DNAH17: variants seen among roughly 807,000 people sequenced by gnomAD.
DNAH17 encodes dynein axonemal heavy chain 17.
A neutral mutation model predicts 485.6 loss-of-function variants in DNAH17; 376 were observed. That is an observed-to-expected ratio of 0.77 (90% confidence interval 0.71 to 0.84). The LOEUF is 0.84. Ranked by LOEUF, DNAH17 falls within the 40% of genes least tolerant of loss-of-function variation. The pLI is 0.00. For missense variants in DNAH17, 6,370 were observed against 5,839.3 expected (o/e 1.09, Z -2.96); for synonymous variants, 3,031 against 2,405.9 (o/e 1.26, Z -7.60).
chr17:78,426,902 G>T (rs1428277860), intron 78 of DNAH17, 24 bp downstream of exon 78: 1 of 1,582,384 alleles, frequency 6.3e-7, no homozygotes, highest in East Asian at 2.3e-5. Flanking sequence ...CCACGTCCCT[G>T]GGGCCGGGCT....
rs1026540569 is a variant in DNAH17 at position 78,439,353 on chromosome 17, G to A, written c.11678-136C>T. The A allele has an allele frequency of 9.2e-6, 10 of 1,082,922 alleles. No homozygotes were observed. In the African/African-American group the frequency reaches 9.6e-5, roughly 10 times the overall value. 67.1% of individuals were successfully genotyped at this position (1,082,922 alleles called of 1,614,324 possible). A position where few individuals can be genotyped will look rare whatever the true frequency, so the allele number is the denominator to read the frequency against. The stretch of plus-strand genomic sequence containing the variant: ...GTGAAATACACATGACATAAAACTT[G>A]CTGTTTTAAAACCCATCTTAAAGCG... On this transcript the variant is annotated intron_variant, in intron 72 of 80. Coordinates refer to ENST00000389840, the MANE Select transcript of DNAH17 (RefSeq NM_173628.4).
At position 78,453,331 on chromosome 17, in the gene DNAH17, G is replaced by T. The variant is rs770978510; in HGVS notation, c.10529+12C>A. The T allele has an allele frequency of 6.2e-7, 1 of 1,612,346 alleles. No individual in the cohort carries two copies. Among genetic ancestry groups the T allele is most frequent in the South Asian group, 1.1e-5 (1 of 90,792 alleles). On this transcript the variant is annotated intron_variant, in intron 65 of 80. Transcript: ENST00000389840. ...TTACCTGGCTCAAGCCACGGAGGCG[G>T]AAACAACTCACTTTCCCTTTTTAAT...
chr17:78,467,308 A>G (rs1344262370), intron 55 of DNAH17, among the ~76,000 whole-genome samples: 2 of 152,214 alleles, frequency 1.3e-5, no homozygotes, highest in East Asian at 1.9e-4. Flanking sequence ...AATGGGTCTC[A>G]GCCTCCCAGC....
At chr17:78,566,444 C>CA (rs1288143846) in intron 11 of DNAH17, among the ~76,000 whole-genome samples, 170 bp downstream of exon 11, 1 of 152,194 alleles carries the variant, frequency 6.6e-6, no homozygotes, top group Non-Finnish European at 1.5e-5. Context: ...TCAGGAGCTA[C>CA]ACTGGGTGTT....
intron 17 of DNAH17, among the ~76,000 whole-genome samples, chr17:78,543,548 C>T (rs1034515381): frequency 1.3e-5 from 2 of 152,088 alleles, no homozygotes; most frequent in African/African-American, 4.8e-5. Flanking sequence ...CCTCGGCCTC[C>T]CAAAGTGCTG....
intron 16 of DNAH17, among the ~76,000 whole-genome samples, chr17:78,546,487 T>G (rs1373063002): frequency 1.3e-5 from 2 of 152,236 alleles, no homozygotes; most frequent in Non-Finnish European, 2.9e-5. Flanking sequence ...TATTTTGCTT[T>G]AAAAACTATA....
At chr17:78,544,975 A>G (rs74611993) in intron 16 of DNAH17, among the ~76,000 whole-genome samples, 1,862 of 152,150 alleles carry the variant, frequency 0.012, 59 homozygotes, top group East Asian at 0.09. Flanking sequence ...GTCTTTGGCC[A>G]TATCTCCCTA....
rs2091409670 is a variant in DNAH17, at chr17:78,537,484, GA to G, written c.2677-4del. 6.2e-7 allele frequency: 1 copy of G among 1,612,886 alleles called. No homozygotes were observed. The highest frequency in any genetic ancestry group is 1.7e-5 in the Admixed American group (1 of 59,972). ...TCAAACAGGGGAGCGATACTCTCCT[GA>G]AAGAGGGGTGGGGTTGGCAGTGGTC... On this transcript the variant is annotated splice_polypyrimidine_tract_variant and splice_region_variant and intron_variant, in intron 18 of 80. Coordinates refer to ENST00000389840, the MANE Select transcript of DNAH17 (RefSeq NM_173628.4).
intron 6 of DNAH17, 81 bp downstream of exon 6, chr17:78,570,867 A>AG: frequency 2.7e-6 from 2 of 739,330 alleles, no homozygotes; most frequent in Non-Finnish European, 4.0e-6. Flanking sequence ...AAAAAAAAAA[A>AG]AAAAAAAAAA....
At chr17:78,439,266 A>G in intron 72 of DNAH17, 49 bp from the exon 73 acceptor site, 1 of 1,558,886 alleles carries the variant, frequency 6.4e-7, no homozygotes, top group Non-Finnish European at 8.7e-7. Flanking sequence ...TAAATGACAC[A>G]GGTTCAGGCT....
chr17:78,493,393 G>A (rs1382334570), intron 41 of DNAH17, among the ~76,000 whole-genome samples: 1 of 152,176 alleles, frequency 6.6e-6, no homozygotes, highest in Non-Finnish European at 1.5e-5. Flanking sequence ...CGCACTCACT[G>A]AAAAACCATC....
At chr17:78,533,504 G>T (rs1276682311) in intron 19 of DNAH17, among the ~76,000 whole-genome samples, 2 of 152,156 alleles carry the variant, frequency 1.3e-5, no homozygotes, top group African/African-American at 4.8e-5. Context: ...TCGGTGGCTA[G>T]AGCAGAGAGC....
At chr17:78,565,425 T>TC (rs948919745) in intron 11 of DNAH17, among the ~76,000 whole-genome samples, 5 of 152,240 alleles carry the variant, frequency 3.3e-5, no homozygotes, top group African/African-American at 1.2e-4. Flanking sequence ...GCAAGAGCAT[T>TC]CAAAAGGGCA....
rs116826317 is a variant in DNAH17, at chr17:78,475,270, G to A, written c.8511+8C>T. ...TGAAAGGCAGCCTATTGAACAGTAA[G>A]CTCTCACCTTGAGGTCGGGGATCCC... On this transcript the variant is annotated splice_region_variant and intron_variant, in intron 54 of 80. Transcript: ENST00000389840. 1 of 1,613,898 alleles carries A rather than the reference G, an allele frequency of 6.2e-7. No homozygotes were observed. Among genetic ancestry groups the A allele is most frequent in the Non-Finnish European group, 8.5e-7 (1 of 1,179,850 alleles).
chr17:78,435,674 C>T (rs1461470233), intron 74 of DNAH17, among the ~76,000 whole-genome samples: 2 of 152,222 alleles, frequency 1.3e-5, no homozygotes, highest in African/African-American at 4.8e-5. Context: ...TCACAAGTGT[C>T]GGGTCGCTGC....
chr17:78,494,348 G>A lies in DNAH17; in HGVS notation c.6271-175C>T, dbSNP rs759860533. 4.7e-5 allele frequency among the ~76,000 whole-genome samples: 7 copies of A among 149,838 alleles called. No individual in the cohort carries two copies. The East Asian group carries it at 9.8e-4, about 21-fold the overall frequency. ...TGCCGAGAGTTGACATAGCTCCACCGCGACCTCATGCAGGGGGTCGGTTTG... is the reference window on the plus strand; with the variant it reads ...TGCCGAGAGTTGACATAGCTCCACCACGACCTCATGCAGGGGGTCGGTTTG... On this transcript the variant is annotated intron_variant, in intron 40 of 80. Coordinates refer to ENST00000389840, the MANE Select transcript of DNAH17 (RefSeq NM_173628.4).
chr17:78,542,735 G>A (rs2091631680), intron 17 of DNAH17, among the ~76,000 whole-genome samples: 1 of 152,212 alleles, frequency 6.6e-6, no homozygotes, highest in Non-Finnish European at 1.5e-5. Flanking sequence ...AGAAGGACCA[G>A]CTGGCATCCT....
intron 20 of DNAH17, 25 bp downstream of exon 20, chr17:78,532,457 G>C (rs765660575): frequency 6.3e-6 from 10 of 1,586,862 alleles, no homozygotes; most frequent in Non-Finnish European, 8.6e-6. Flanking sequence ...AGACAAGGAG[G>C]CTGGTGGGTG....
chr17:78,478,799 C>T, intron 51 of DNAH17: 1 of 524,098 alleles, frequency 1.9e-6, no homozygotes, highest in Non-Finnish European at 3.4e-6. Flanking sequence ...ATAACCATCA[C>T]TACCACCATC....
Sources: allele counts gnomAD v4.1 joint callset (sites outside exome capture counted in the v4.1 genomes callset), GRCh38; gene constraint gnomAD v4.1.1; transcripts MANE v1.5; gene names NCBI Gene and HGNC (gene_info 2026-07-23, HGNC 2026-07-21).